DENND2B: variants seen among roughly 807,000 people sequenced by gnomAD.
The protein encoded by DENND2B is DENN domain-containing protein 2B.
In DENND2B, 32 loss-of-function variants were observed where a neutral mutation model predicts 116.0. That is an observed-to-expected ratio of 0.28 (90% CI 0.21 to 0.37). The LOEUF (loss-of-function observed/expected upper bound fraction) is 0.37, where lower values mean the gene tolerates loss of function less well. Ranked by LOEUF, DENND2B falls within the 10% of genes least tolerant of loss-of-function variation. The pLI is 1.00. For synonymous variants in DENND2B, 588 were observed against 583.9 expected (o/e 1.01, Z -0.10); for missense variants, 1,276 against 1,477.7 (o/e 0.86, Z 2.24).
chr11:8,883,305 C>T (rs1243690982), intron 1 of DENND2B, among the ~76,000 whole-genome samples: 4 of 151,984 alleles, frequency 2.6e-5, no homozygotes, highest in Admixed American at 6.6e-5. Flanking sequence ...ATTTCTTTTC[C>T]AAAAATGTCA....
rs550692815 is a variant in DENND2B at position 8,753,619 on chromosome 11, A to T, written c.-25-2894T>A. Among the ~76,000 whole-genome samples, 167 of 151,906 alleles carry T rather than the reference A, an allele frequency of 1.1e-3. 1 individual carries two copies. The highest frequency in any genetic ancestry group is 1.8e-3 in the Admixed American group (28 of 15,250). ...GACAGCCAAAACAATCTTGAAAAAG[A>T]TGAACAAAGTTAGAAGACTCTGAGT... On this transcript the variant is annotated intron_variant, in intron 1 of 19. Coordinates refer to ENST00000313726, the MANE Select transcript of DENND2B (RefSeq NM_213618.2).
intron 14 of DENND2B, among the ~76,000 whole-genome samples, chr11:8,701,456 T>C (rs1592374033): frequency 6.6e-6 from 1 of 150,940 alleles, no homozygotes; most frequent in Non-Finnish European, 1.5e-5. Flanking sequence ...AACTGGCTGG[T>C]ATCCACAACA....
chr11:8,821,697 GAA>G (rs1303415454), intron 4 of DENND2B, among the ~76,000 whole-genome samples: 1 of 152,102 alleles, frequency 6.6e-6, no homozygotes, highest in Non-Finnish European at 1.5e-5. Flanking sequence ...ATATGCAAGT[GAA>G]AAAAATTTAT....
At chr11:8,878,649 G>A (rs931284089) in intron 2 of DENND2B, among the ~76,000 whole-genome samples, 2 of 152,126 alleles carry the variant, frequency 1.3e-5, no homozygotes, top group Non-Finnish European at 2.9e-5. Flanking sequence ...CCAAAGTGCT[G>A]GGATTACAGG....
rs867819222 is a variant in DENND2B at position 8,719,092 on chromosome 11, T to C, written c.1478-1200A>G. On this transcript the variant is annotated intron_variant, in intron 4 of 19. Transcript: ENST00000313726. ...CACTTGTTCTACAGATGTCTGAATG[T>C]GCCTTACGCCCCAGAGGAACTCAGA... is the stretch of plus-strand genomic sequence containing the variant. 189 of 985,492 alleles carry C rather than the reference T, an allele frequency of 1.9e-4. No homozygotes were observed. The Middle Eastern group carries it at 4.2e-3, about 22-fold the overall frequency. 61.0% of individuals were successfully genotyped at this position (985,492 alleles called of 1,614,324 possible).
chr11:8,761,721 T>C (rs547285832), intron 1 of DENND2B, among the ~76,000 whole-genome samples: 5 of 152,316 alleles, frequency 3.3e-5, no homozygotes, highest in Admixed American at 2.6e-4. Context: ...ACCTGACTGA[T>C]GGCAAGCTGC....
intron 3 of DENND2B, among the ~76,000 whole-genome samples, chr11:8,847,582 A>G (rs10743093): frequency 0.33 from 50,409 of 152,026 alleles, 10,367 homozygotes; most frequent in Non-Finnish European, 0.44. Context: ...AACGATAGAA[A>G]AGAAAAGAAA....
At chr11:8,777,829 C>G (rs1043952304) in intron 1 of DENND2B, among the ~76,000 whole-genome samples, 6 of 152,216 alleles carry the variant, frequency 3.9e-5, no homozygotes, top group African/African-American at 1.2e-4. Context: ...TCACAGTCTT[C>G]CTCATCATCC....
intron 4 of DENND2B, among the ~76,000 whole-genome samples, chr11:8,725,732 A>G (rs2046983169): frequency 6.6e-6 from 1 of 152,246 alleles, no homozygotes; most frequent in African/African-American, 2.4e-5. Flanking sequence ...CAGAGTCTTC[A>G]CAAAAGTTAA....
At chr11:8,842,140 A>G (rs2062645945) in intron 3 of DENND2B, among the ~76,000 whole-genome samples, 1 of 152,214 alleles carries the variant, frequency 6.6e-6, no homozygotes, top group Non-Finnish European at 1.5e-5. Context: ...TGAACGGCAC[A>G]TAGTAGGTCC....
intron 18 of DENND2B, chr11:8,695,857 C>A: frequency 2.3e-6 from 1 of 436,014 alleles, no homozygotes; most frequent in Non-Finnish European, 4.2e-6. Flanking sequence ...CTTCAGACAA[C>A]TCTACCATGT....
At chr11:8,734,807 AAAAAG>A (rs2048715319) in intron 2 of DENND2B, among the ~76,000 whole-genome samples, 1 of 151,560 alleles carries the variant, frequency 6.6e-6, no homozygotes, top group Non-Finnish European at 1.5e-5. Flanking sequence ...AAAAAAAAAA[AAAAAG>A]AAAGATCACA....
intron 4 of DENND2B, among the ~76,000 whole-genome samples, chr11:8,826,868 C>T (rs773518070): frequency 1.3e-5 from 2 of 152,122 alleles, no homozygotes; most frequent in Non-Finnish European, 2.9e-5. Flanking sequence ...ACTTAGAGAT[C>T]AACATTGAAC....
intron 1 of DENND2B, among the ~76,000 whole-genome samples, chr11:8,900,255 C>T (rs956259054): frequency 1.6e-4 from 24 of 147,718 alleles, no homozygotes; most frequent in African/African-American, 5.7e-4. Context: ...GAAACCCCGT[C>T]TCTACTAAAA....
At chr11:8,797,996 T>C (rs900288071) in intron 1 of DENND2B, among the ~76,000 whole-genome samples, 1 of 152,228 alleles carries the variant, frequency 6.6e-6, no homozygotes, top group African/African-American at 2.4e-5. Flanking sequence ...CATTAACGGC[T>C]TCTTCTCATC....
chr11:8,887,329 C>A (rs963922787), intron 1 of DENND2B, among the ~76,000 whole-genome samples: 10 of 152,120 alleles, frequency 6.6e-5, no homozygotes, highest in Non-Finnish European at 1.5e-5. Context: ...TGGTTGTAGT[C>A]AAAGATTAAG....
intron 2 of DENND2B, among the ~76,000 whole-genome samples, chr11:8,858,656 A>AAT (rs1427346040): frequency 2.0e-5 from 3 of 152,128 alleles, no homozygotes; most frequent in Admixed American, 6.6e-5. Context: ...GAGGGTAAAA[A>AAT]ATATATATAT....
chr11:8,909,849 A>C (rs79102678), intron 1 of DENND2B: 3,222 of 150,496 alleles, frequency 0.021, 48 homozygotes, highest in Middle Eastern at 0.034. Context: ...AGGAGGATTT[A>C]TTTGTGTTCC....
chr11:8,799,014 G>A (rs2060075769), intron 1 of DENND2B, among the ~76,000 whole-genome samples: 1 of 152,032 alleles, frequency 6.6e-6, no homozygotes. Context: ...TAGAGACAAG[G>A]TTTCACCATG....
Sources: allele counts gnomAD v4.1 joint callset (sites outside exome capture counted in the v4.1 genomes callset), GRCh38; gene constraint gnomAD v4.1.1; transcripts MANE v1.5; gene names NCBI Gene and HGNC (gene_info 2026-07-23, HGNC 2026-07-21).